The following RCBTB2 variants were observed in gnomAD, a reference collection of about 807,000 sequenced individuals.
RCBTB2 encodes RCC1 and BTB domain-containing protein 2.
A neutral mutation model predicts 65.4 loss-of-function variants in RCBTB2; 55 were observed. That is an observed-to-expected ratio of 0.84 (90% CI 0.68 to 1.05). The LOEUF is 1.05. Among genes scored for constraint, RCBTB2 ranks in the 50% least tolerant of loss-of-function variants. The probability of loss-of-function intolerance (pLI) is 0.00; values close to 1 mark genes in which losing one functional copy is unlikely to be tolerated. For synonymous variants in RCBTB2, 220 were observed against 255.2 expected (o/e 0.86, Z 1.31); for missense variants, 599 against 680.1 (o/e 0.88, Z 1.33).
chr13:48,531,548 C>G (rs916331823), intron 1 of RCBTB2, among the ~76,000 whole-genome samples: 1 of 152,158 alleles, frequency 6.6e-6, no homozygotes, highest in Non-Finnish European at 1.5e-5. Flanking sequence ...GGAAAGTGAG[C>G]ATTGAGCATA....
chr13:48,526,367 C>T (rs368955568), intron 1 of RCBTB2, among the ~76,000 whole-genome samples: 1 of 152,156 alleles, frequency 6.6e-6, no homozygotes, highest in Non-Finnish European at 1.5e-5. Flanking sequence ...AAGACACCGT[C>T]TCTACAGAAA....
intron 1 of RCBTB2, among the ~76,000 whole-genome samples, chr13:48,526,300 C>T (rs964819458): frequency 2.0e-5 from 3 of 152,166 alleles, no homozygotes; most frequent in Non-Finnish European, 2.9e-5. Context: ...GTAATCCCAG[C>T]ACTTTGAGGA....
intron 6 of RCBTB2, among the ~76,000 whole-genome samples, chr13:48,513,708 C>A (rs989422107): frequency 1.3e-5 from 2 of 152,190 alleles, no homozygotes; most frequent in Admixed American, 1.3e-4. Context: ...TTTTCAAGCT[C>A]ATTTTAATTT....
intron 1 of RCBTB2, among the ~76,000 whole-genome samples, chr13:48,531,679 C>A (rs967705519): frequency 1.3e-5 from 2 of 152,176 alleles, no homozygotes; most frequent in African/African-American, 4.8e-5. Flanking sequence ...GTTGCTTTTA[C>A]CTGCTGCTTA....
chr13:48,494,803 T>C (rs780740988), intron 14 of RCBTB2, among the ~76,000 whole-genome samples: 26 of 152,142 alleles, frequency 1.7e-4, no homozygotes, highest in African/African-American at 5.3e-4. Context: ...GTGCCCAATA[T>C]GTTATTGCCT....
At chr13:48,527,292 T>G (rs1362119289) in intron 1 of RCBTB2, among the ~76,000 whole-genome samples, 5 of 141,260 alleles carry the variant, frequency 3.5e-5, no homozygotes, top group South Asian at 2.1e-4. Context: ...TTCCCTTATA[T>G]GTTTGTTTTG....
At chr13:48,512,922 T>G (rs1479815499) in intron 6 of RCBTB2, 27 bp from the exon 7 acceptor site, 6 of 1,588,542 alleles carry the variant, frequency 3.8e-6, no homozygotes, top group Non-Finnish European at 5.2e-6. Flanking sequence ...AGACAATCAG[T>G]TTTTTACAAC....
intron 4 of RCBTB2, among the ~76,000 whole-genome samples, chr13:48,519,202 GTAGACC>G (rs1951276423): frequency 6.6e-6 from 1 of 152,128 alleles, no homozygotes; most frequent in African/African-American, 2.4e-5. Flanking sequence ...GATACTGCTG[GTAGACC>G]TAGTGTTTGC....
chr13:48,502,755 C>A lies in RCBTB2; in HGVS notation c.1086G>T (p.Thr362=), dbSNP rs773104852. 1.1e-5 allele frequency: 18 copies of A among 1,612,608 alleles called. No homozygotes were observed. Among genetic ancestry groups the A allele is most frequent in the South Asian group, 5.5e-5 (5 of 90,948 alleles). ...CTDDVFACFA[T]PAVTWRLLSV... is the part of the protein sequence containing the mutation. ...AGAGGAGGCGCCACGTGACGGCGGG[C>A]GTGGCAAAGCAGGCAAACACGTCGT... The change falls in exon 11 of 15, where the codon ACG becomes ACT. Residue 362 remains threonine, a synonymous_variant. Coordinates refer to ENST00000344532, the MANE Select transcript of RCBTB2 (RefSeq NM_001268.4).
intron 3 of RCBTB2, 59 bp downstream of exon 3, chr13:48,522,249 A>G: frequency 1.8e-6 from 2 of 1,095,068 alleles, no homozygotes; most frequent in Admixed American, 4.0e-5. Context: ...AAAGGAAATC[A>G]GTAGAAAATT....
In RCBTB2 at chr13:48,529,043, G is replaced by A. The variant is rs552175525; in HGVS notation, c.-219+3985C>T. 5.9e-5 allele frequency among the ~76,000 whole-genome samples: 9 copies of A among 152,068 alleles called. No individual in the cohort carries two copies. In the East Asian group the frequency reaches 7.7e-4, roughly 13 times the overall value. ...TCAGATCTTCAGTACAAAGCAAAGC[G>A]GTATTTAATTGAAAAGATTACTGAG... On this transcript the variant is annotated intron_variant, in intron 1 of 14. Coordinates refer to ENST00000344532, the MANE Select transcript of RCBTB2 (RefSeq NM_001268.4).
intron 5 of RCBTB2, 21 bp downstream of exon 5, chr13:48,515,565 A>C: frequency 6.3e-7 from 1 of 1,575,620 alleles, no homozygotes; most frequent in Non-Finnish European, 8.6e-7. Context: ...TGAGTAGCTG[A>C]TTTATTTTCT....
intron 5 of RCBTB2, 65 bp from the exon 6 acceptor site, chr13:48,515,420 A>T: frequency 6.7e-7 from 1 of 1,500,822 alleles, no homozygotes; most frequent in Non-Finnish European, 9.1e-7. Flanking sequence ...ATTACATCCA[A>T]ACAGGAATCA....
At chr13:48,496,129 G>A (rs1160926997) in intron 14 of RCBTB2, 62 bp downstream of exon 14, 12 of 1,377,726 alleles carry the variant, frequency 8.7e-6, no homozygotes, top group African/African-American at 4.4e-5. Context: ...TTTAAGGTAC[G>A]AGGCAGACAC....
Position 48,502,830 on chromosome 13 carries a change from G to A in RCBTB2, c.1011C>T (p.Cys337=). ...GCGGGAGGATCACGGACTGACCCCG[G>A]CACTGGCCCCACATGTACACGTGCC... The part of the protein sequence containing the change: ...QGGHVYMWGQ[C]RGQSVILPHL... Residue 337 remains cysteine (C), a synonymous_variant, in exon 11 of 15, where the codon TGC becomes TGT. Coordinates refer to ENST00000344532, the MANE Select transcript of RCBTB2 (RefSeq NM_001268.4). 1.2e-6 allele frequency: 2 copies of A among 1,614,182 alleles called. No individual in the cohort carries two copies. The highest frequency in any genetic ancestry group is 2.7e-5 in the African/African-American group (2 of 75,038).
intron 10 of RCBTB2, among the ~76,000 whole-genome samples, chr13:48,507,235 A>C (rs1950550146): frequency 6.6e-6 from 1 of 152,230 alleles, no homozygotes; most frequent in Admixed American, 6.5e-5. Flanking sequence ...AGGAATGAGA[A>C]TGCAGAAAGT....
chr13:48,500,966 T>G (rs1365438795), intron 12 of RCBTB2, among the ~76,000 whole-genome samples: 1 of 152,224 alleles, frequency 6.6e-6, no homozygotes, highest in Non-Finnish European at 1.5e-5. Context: ...GATTTAAATA[T>G]CTGTTACACA....
rs1409146365 is a variant in RCBTB2 at position 48,489,627 on chromosome 13, A to C, written c.*484T>G. The C allele has an allele frequency of 6.5e-6, 1 of 152,676 alleles. No homozygotes were observed. The highest frequency in any genetic ancestry group is 2.4e-5 in the African/African-American group (1 of 41,466). The allele number at this position is 152,676 out of a possible 1,614,324, so 9.5% of individuals were successfully genotyped here. The stretch of plus-strand genomic sequence containing the variant: ...TTTTGTGAAAGTTATTCCTTCTCCC[A>C]GTATTCCATGACTAAAGCTGTTCTC... On this transcript the variant is annotated 3_prime_UTR_variant, in exon 15 of 15. Transcript: ENST00000344532.
rs9332083 is a variant in RCBTB2, at chr13:48,489,124, A to T, written c.*987T>A. On this transcript the variant is annotated 3_prime_UTR_variant, in exon 15 of 15. Coordinates refer to ENST00000344532, the MANE Select transcript of RCBTB2 (RefSeq NM_001268.4). ...TTCAGTTTCTCTTTTGCAATTAGGTAATTTGTTTTGATCTAAAAAGTACAA... is the reference window on the plus strand; with the variant it reads ...TTCAGTTTCTCTTTTGCAATTAGGTTATTTGTTTTGATCTAAAAAGTACAA... The T allele has an allele frequency of 6.6e-6, 1 of 152,224 alleles. No individual in the cohort carries two copies. Among genetic ancestry groups the T allele is most frequent in the Non-Finnish European group, 1.5e-5 (1 of 68,040 alleles). The allele number at this position is 152,224 out of a possible 1,614,324, so 9.4% of individuals were successfully genotyped here. A position where few individuals can be genotyped will look rare whatever the true frequency, so the allele number is the denominator to read the frequency against.
Sources: gnomAD v4.1 joint callset for allele counts (sites outside exome capture counted in the v4.1 genomes callset) on GRCh38, gnomAD v4.1.1 for gene constraint, MANE v1.5 for transcripts, NCBI Gene and HGNC (gene_info 2026-07-23, HGNC 2026-07-21) for gene names.